Variants in DENND5B observed in about 807,000 individuals in gnomAD.
The protein encoded by DENND5B is DENN domain-containing protein 5B.
A neutral mutation model predicts 140.6 loss-of-function variants in DENND5B; 34 were observed. That is an observed-to-expected ratio of 0.24 (90% CI 0.18 to 0.32). DENND5B has a LOEUF of 0.32. Among genes scored for constraint, DENND5B ranks in the 10% least tolerant of loss-of-function variants. The pLI is 1.00. For synonymous variants in DENND5B, 551 were observed against 562.1 expected (o/e 0.98, Z 0.28); for missense variants, 1,142 against 1,560.2 (o/e 0.73, Z 4.52).
chr12:31,574,075 C>T lies in DENND5B; in HGVS notation c.127+16631G>A, dbSNP rs552926301. On this transcript the variant is annotated intron_variant, in intron 1 of 20. Coordinates refer to ENST00000389082, the MANE Select transcript of DENND5B (RefSeq NM_144973.4). ...GACCATTTGAGACTAGCCTGGACAA[C>T]ACGGTGAGATCTTGTCTCTACAAAA... is the stretch of plus-strand genomic sequence containing the variant. Among the ~76,000 whole-genome samples, 189 of 150,898 alleles carry T rather than the reference C, an allele frequency of 1.3e-3. 1 individual carries two copies. The highest frequency in any genetic ancestry group is 4.2e-3 in the African/African-American group (171 of 41,056).
chr12:31,412,834 A>G (rs1942536860), intron 13 of DENND5B, among the ~76,000 whole-genome samples: 1 of 152,224 alleles, frequency 6.6e-6, no homozygotes, highest in Non-Finnish European at 1.5e-5. Flanking sequence ...ACAAAATAAT[A>G]TAAGGTTTAT....
At chr12:31,429,856 G>A (rs1943428390) in intron 8 of DENND5B, among the ~76,000 whole-genome samples, 1 of 151,802 alleles carries the variant, frequency 6.6e-6, no homozygotes, top group African/African-American at 2.4e-5. Flanking sequence ...ATAGGCGCGT[G>A]CTACAACACC....
At chr12:31,457,822 T>C (rs1944843470) in intron 4 of DENND5B, among the ~76,000 whole-genome samples, 1 of 152,064 alleles carries the variant, frequency 6.6e-6, no homozygotes, top group South Asian at 2.1e-4. Flanking sequence ...CATGCCATTC[T>C]CCTGCCTCAG....
chr12:31,422,360 G>T (rs906334366), intron 11 of DENND5B, among the ~76,000 whole-genome samples: 1 of 151,988 alleles, frequency 6.6e-6, no homozygotes, highest in Non-Finnish European at 1.5e-5. Flanking sequence ...AACCCGGGAG[G>T]TGGAGCTTGC....
At chr12:31,426,931 G>A (rs1413680141) in intron 8 of DENND5B, among the ~76,000 whole-genome samples, 8 of 152,114 alleles carry the variant, frequency 5.3e-5, no homozygotes, top group African/African-American at 1.9e-4. Context: ...AAAATCAGGA[G>A]CTTTCGAATC....
At chr12:31,502,778 T>TTACA (rs1281588891) in intron 1 of DENND5B, among the ~76,000 whole-genome samples, 5 of 152,136 alleles carry the variant, frequency 3.3e-5, no homozygotes, top group Non-Finnish European at 2.9e-5. Context: ...CAAACAAGGT[T>TTACA]TACAGAAACC....
chr12:31,387,888 G>A (rs1196485082), intron 20 of DENND5B, 102 bp from the exon 21 acceptor site: 35 of 1,170,588 alleles, frequency 3.0e-5, no homozygotes, highest in Non-Finnish European at 3.7e-5. Context: ...GGACTTGATG[G>A]TACAAAATGT....
At chr12:31,549,309 C>T (rs1006834275) in intron 1 of DENND5B, among the ~76,000 whole-genome samples, 7 of 152,174 alleles carry the variant, frequency 4.6e-5, no homozygotes, top group African/African-American at 1.2e-4. Context: ...TATCGTAAAA[C>T]GGCACTGACT....
intron 1 of DENND5B, among the ~76,000 whole-genome samples, chr12:31,540,204 C>A (rs1451826969): frequency 6.6e-6 from 1 of 151,960 alleles, no homozygotes; most frequent in South Asian, 2.1e-4. Context: ...AACACTGGAG[C>A]AAGAAATTGA....
rs184024256 is a variant in DENND5B at position 31,440,168 on chromosome 12, A to G, written c.2012+2607T>C. Among the ~76,000 whole-genome samples the G allele has an allele frequency of 2.4e-3, 358 of 152,252 alleles. 1 individual carries two copies. The highest frequency in any genetic ancestry group is 8.2e-3 in the African/African-American group (341 of 41,558). On this transcript the variant is annotated intron_variant, in intron 7 of 20. Coordinates refer to ENST00000389082, the MANE Select transcript of DENND5B (RefSeq NM_144973.4). ...TGAACCCTCACAACCATCAGTATCT[A>G]TTAGCACATTTTTTTTCTTTTTTTA...
At chr12:31,410,228 C>A (rs1382591855) in intron 13 of DENND5B, among the ~76,000 whole-genome samples, 1 of 152,110 alleles carries the variant, frequency 6.6e-6, no homozygotes, top group Non-Finnish European at 1.5e-5. Context: ...ACCAATCATA[C>A]CCCTTGACTC....
intron 1 of DENND5B, among the ~76,000 whole-genome samples, chr12:31,582,536 A>G (rs1950239260): frequency 6.6e-6 from 1 of 152,266 alleles, no homozygotes; most frequent in African/African-American, 2.4e-5. Flanking sequence ...TATATTTCAT[A>G]GTAAAAGCCT....
chr12:31,466,504 C>T (rs1312600775), intron 3 of DENND5B, among the ~76,000 whole-genome samples: 3 of 152,032 alleles, frequency 2.0e-5, no homozygotes, highest in African/African-American at 7.2e-5. Flanking sequence ...ACCAGCCTGA[C>T]CAACATGGTG....
intron 4 of DENND5B, among the ~76,000 whole-genome samples, chr12:31,456,661 AGG>A (rs1944792941): frequency 6.6e-6 from 1 of 152,252 alleles, no homozygotes; most frequent in Non-Finnish European, 1.5e-5. Flanking sequence ...CTAAAACTGT[AGG>A]CCGGAGCAGG....
intron 1 of DENND5B, among the ~76,000 whole-genome samples, chr12:31,589,667 AGTTGTTCTG>A (rs1950531859): frequency 1.3e-5 from 2 of 152,076 alleles, no homozygotes; most frequent in South Asian, 4.1e-4. Context: ...GTCCAAAGGA[AGTTGTTCTG>A]AAAGGCTATG....
chr12:31,588,494 A>G (rs1950478918), intron 1 of DENND5B, among the ~76,000 whole-genome samples: 1 of 152,246 alleles, frequency 6.6e-6, no homozygotes. Flanking sequence ...CTGAACATGT[A>G]CAGACTTCTT....
chr12:31,452,269 TC>T lies in DENND5B; in HGVS notation c.1299del (p.Asn434ThrfsTer15). 6.2e-7 allele frequency: 1 copy of T among 1,613,994 alleles called. No individual in the cohort carries two copies. The highest frequency in any genetic ancestry group is 8.5e-7 in the Non-Finnish European group (1 of 1,179,894). The part of the protein sequence containing the change: ...MVLKDLVNDK[K>X]NGNVCTNNIS... Reference sequence around the variant, plus strand: ...ATGTTATTAGTACAGACATTGCCGTTCTTTTTGTCATTGACCAAGTCTTTCA... The same window carrying T: ...ATGTTATTAGTACAGACATTGCCGTTTTTTTGTCATTGACCAAGTCTTTCA... On this transcript the variant is annotated frameshift_variant, in exon 5 of 21. Transcript: ENST00000389082. LOFTEE classifies it high-confidence loss of function.
intron 1 of DENND5B, among the ~76,000 whole-genome samples, chr12:31,528,105 C>T (rs899154022): frequency 1.3e-5 from 2 of 152,156 alleles, no homozygotes; most frequent in Admixed American, 6.5e-5. Flanking sequence ...TGACCTCAAA[C>T]GATATGGCTT....
At chr12:31,483,442 C>CT (rs879396478) in intron 2 of DENND5B, among the ~76,000 whole-genome samples, 250 of 145,170 alleles carry the variant, frequency 1.7e-3, no homozygotes, top group Middle Eastern at 3.6e-3. Context: ...TAGTATACAT[C>CT]TTTTTTTTTT....
Sources: allele counts gnomAD v4.1 joint callset (sites outside exome capture counted in the v4.1 genomes callset), GRCh38; gene constraint gnomAD v4.1.1; transcripts MANE v1.5; gene names NCBI Gene and HGNC (gene_info 2026-07-23, HGNC 2026-07-21).